Variants in DPP3 observed in about 807,000 individuals in gnomAD.
The protein encoded by DPP3 is DPP III.
DPP3 carries 64 observed loss-of-function variants against 89.8 expected under a neutral mutation model. The ratio of observed to expected loss-of-function variants is 0.71; its 90% CI spans 0.58 to 0.88. The LOEUF (loss-of-function observed/expected upper bound fraction) is 0.88, where lower values mean the gene tolerates loss of function less well. Among genes scored for constraint, DPP3 ranks in the 40% least tolerant of loss-of-function variants. DPP3 has a pLI of 0.00. For missense variants in DPP3, 835 were observed against 972.5 expected (o/e 0.86, Z 1.88); for synonymous variants, 377 against 404.3 (o/e 0.93, Z 0.81).
chr11:66,491,833 GT>G, intron 9 of DPP3, 77 bp downstream of exon 9: 1 of 1,513,366 alleles, frequency 6.6e-7, no homozygotes, highest in East Asian at 2.3e-5. Flanking sequence ...TCCCCTGATG[GT>G]TCTCCCCACC....
In DPP3 at chr11:66,481,462, C is replaced by T. The variant is rs1259753489; in HGVS notation, c.-8-731C>T. Among the ~76,000 whole-genome samples, 3 of 151,894 alleles carry T rather than the reference C, an allele frequency of 2.0e-5. No homozygotes were observed. In the East Asian group the frequency reaches 5.8e-4, roughly 30 times the overall value. ...TCAAGATCATGCCACTGCACTCCAG[C>T]CTGGGCAACTAAGTGAGACTCCGTC... On this transcript the variant is annotated intron_variant, in intron 1 of 17. Transcript: ENST00000531863.
At chr11:66,488,035 G>A (rs200177352) in intron 6 of DPP3, 28 bp downstream of exon 6, 30 of 1,607,342 alleles carry the variant, frequency 1.9e-5, no homozygotes, top group Middle Eastern at 1.7e-4. Flanking sequence ...CTTCCCTTCT[G>A]CTCCCTCCTG....
intron 1 of DPP3, 114 bp from the exon 2 acceptor site, chr11:66,482,079 T>C: frequency 1.4e-6 from 2 of 1,422,320 alleles, no homozygotes; most frequent in Non-Finnish European, 1.9e-6. Flanking sequence ...GGTACAATAG[T>C]ATTCCCTTCC....
chr11:66,498,810 C>G (rs1213956277), intron 16 of DPP3, among the ~76,000 whole-genome samples: 1 of 151,954 alleles, frequency 6.6e-6, no homozygotes, highest in African/African-American at 2.4e-5. Context: ...TCTAGGAGTT[C>G]AAGACCAGCC....
chr11:66,495,819 G>A (rs1855523226), intron 15 of DPP3, 69 bp downstream of exon 15: 1 of 1,548,348 alleles, frequency 6.5e-7, no homozygotes, highest in Non-Finnish European at 8.7e-7. Flanking sequence ...CAGGGTGCAA[G>A]GATGGGACCA....
intron 15 of DPP3, among the ~76,000 whole-genome samples, chr11:66,496,699 C>A (rs933093612): frequency 6.6e-6 from 1 of 152,056 alleles, no homozygotes; most frequent in East Asian, 1.9e-4. Flanking sequence ...CAGGTGTGAG[C>A]CACCGCATCC....
intron 12 of DPP3, 68 bp downstream of exon 12, chr11:66,493,701 A>G (rs1459293325): frequency 1.3e-6 from 2 of 1,485,834 alleles, no homozygotes; most frequent in African/African-American, 1.4e-5. Context: ...TGCCCTACCC[A>G]GCGGTGAAGC....
At chr11:66,482,578 G>A in intron 2 of DPP3, 108 bp downstream of exon 2, 1 of 1,477,858 alleles carries the variant, frequency 6.8e-7, no homozygotes, top group Admixed American at 2.1e-5. Flanking sequence ...TTAGACCAAA[G>A]GTTACAAATT....
At chr11:66,499,144 C>T (rs1052640565) in intron 16 of DPP3, among the ~76,000 whole-genome samples, 10 of 152,138 alleles carry the variant, frequency 6.6e-5, no homozygotes, top group African/African-American at 1.7e-4. Context: ...GGGTGGATCA[C>T]GAGGTCAGCA....
At position 66,493,521 on chromosome 11, in the gene DPP3, GTC is replaced by G. The variant is rs764637171; in HGVS notation, c.1297-16_1297-15del. On this transcript the variant is annotated intron_variant, in intron 11 of 17. Transcript: ENST00000531863. ...CAGGGCTGGCCAGTGGACAGCGCGG[GTC>G]TCTGCTTGTCTTGGCAGGACCTGTA... 6.2e-7 allele frequency: 1 copy of G among 1,611,852 alleles called. No homozygotes were observed. The highest frequency in any genetic ancestry group is 1.3e-5 in the African/African-American group (1 of 75,036).
intron 6 of DPP3, among the ~76,000 whole-genome samples, chr11:66,490,628 A>G (rs964776738): frequency 4.6e-5 from 7 of 151,952 alleles, no homozygotes; most frequent in African/African-American, 1.5e-4. Context: ...TTAGTTTCCC[A>G]TCGGTGAAAT....
Position 66,497,487 on chromosome 11 carries a change from G to A in DPP3, c.1878+10G>A. 1 of 1,610,768 alleles carries A rather than the reference G, an allele frequency of 6.2e-7. No individual in the cohort carries two copies. Among genetic ancestry groups the A allele is most frequent in the South Asian group, 1.1e-5 (1 of 90,806 alleles). On this transcript the variant is annotated intron_variant, in intron 16 of 17. Transcript: ENST00000531863. ...CCTGCGGAGACTTCAGGTAAGCAAA[G>A]GCCTCTCGTCTGGATGGGTCCCCAC...
intron 2 of DPP3, 61 bp downstream of exon 2, chr11:66,482,531 T>G (rs1855117443): frequency 6.4e-7 from 1 of 1,573,738 alleles, no homozygotes; most frequent in South Asian, 1.1e-5. Flanking sequence ...AAGACCAGGA[T>G]GCAAATGTCT....
Position 66,491,617 on chromosome 11 carries a change from G to A in DPP3, c.922G>A (p.Val308Met), listed in dbSNP as rs377511860. The A allele has an allele frequency of 2.7e-5, 44 of 1,613,112 alleles. No homozygotes were observed. The highest frequency in any genetic ancestry group is 1.3e-4 in the Admixed American group (8 of 59,970). The change falls in exon 8 of 18, where the codon GTG (valine) becomes ATG (methionine). Residue 308 changes from valine (V) to methionine (M), a missense_variant. Physicochemically the swap from Val to Met is conservative, Grantham distance 21. Coordinates refer to ENST00000531863, the MANE Select transcript of DPP3 (RefSeq NM_130443.4). ...CTGGATCCAGGACAAAGGCCCCATC[G>A]TGGAGAGGTGAGGCGCCAGCTCCAC... ...RFWIQDKGPI[V>M]ESYIGFIESY... is the part of the protein sequence containing the mutation.
intron 3 of DPP3, 133 bp from the exon 4 acceptor site, chr11:66,486,407 G>A: frequency 8.8e-7 from 1 of 1,130,454 alleles, no homozygotes; most frequent in Non-Finnish European, 1.2e-6. Context: ...ACCTACAAGT[G>A]CTGCTGGTCC....
At position 66,487,356 on chromosome 11, in the gene DPP3, G is replaced by A. The variant is rs1483610576; in HGVS notation, c.573+14G>A. On this transcript the variant is annotated intron_variant, in intron 5 of 17. Transcript: ENST00000531863. ...CTGGACTCACAGGTTTGGGGTTAGG[G>A]GAGCTCAAGGTAGCAGAGGTTTGGT... is the stretch of plus-strand genomic sequence containing the variant. 25 of 1,613,402 alleles carry A rather than the reference G, an allele frequency of 1.5e-5. No homozygotes were observed. Among genetic ancestry groups the A allele is most frequent in the Non-Finnish European group, 2.1e-5 (25 of 1,179,530 alleles).
At chr11:66,507,454 G>A (rs1020660179) in intron 17 of DPP3, among the ~76,000 whole-genome samples, 4 of 151,584 alleles carry the variant, frequency 2.6e-5, no homozygotes, top group African/African-American at 9.7e-5. Context: ...GTGACAGAGC[G>A]AGACTCCATC....
intron 16 of DPP3, among the ~76,000 whole-genome samples, chr11:66,502,685 C>CG (rs1290392721): frequency 1.3e-5 from 2 of 152,000 alleles, no homozygotes; most frequent in East Asian, 3.9e-4. Flanking sequence ...AGGATGGTCT[C>CG]GATCTCCTGA....
chr11:66,490,995 C>G (rs1466566746), intron 6 of DPP3, among the ~76,000 whole-genome samples: 2 of 152,112 alleles, frequency 1.3e-5, no homozygotes, highest in Admixed American at 6.6e-5. Flanking sequence ...TCACGAACTT[C>G]AGACCTCAGG....
Sources: allele counts gnomAD v4.1 joint callset (sites outside exome capture counted in the v4.1 genomes callset), GRCh38; gene constraint gnomAD v4.1.1; transcripts MANE v1.5; gene names NCBI Gene and HGNC (gene_info 2026-07-23, HGNC 2026-07-21).